The following SGCD variants were observed in gnomAD, a reference collection of about 807,000 sequenced individuals.
The protein encoded by SGCD is sarcoglycan delta.
In SGCD, 18 loss-of-function variants were observed where a neutral mutation model predicts 36.6. That is an observed-to-expected ratio of 0.49 (90% CI 0.34 to 0.73). The LOEUF is 0.73. SGCD is among the 30% of genes least tolerant of loss of function. The probability of loss-of-function intolerance (pLI) is 0.01; values close to 1 mark genes in which losing one functional copy is unlikely to be tolerated. For missense variants in SGCD, 387 were observed against 346.7 expected (o/e 1.12, Z -0.92); for synonymous variants, 133 against 130.6 (o/e 1.02, Z -0.12).
chr5:155,728,110 C>T, the SGCD span, among the ~76,000 whole-genome samples: 1 of 152,128 alleles, frequency 6.6e-6, no homozygotes, highest in Non-Finnish European at 1.5e-5. Flanking sequence ...ACGAGGAGCC[C>T]CGCGCCTTCG....
At chr5:156,487,220 C>G (rs1269080944) in intron 3 of SGCD, among the ~76,000 whole-genome samples, 1 of 152,212 alleles carries the variant, frequency 6.6e-6, no homozygotes, top group Non-Finnish European at 1.5e-5. Context: ...AAGCCACTGA[C>G]AGCATAACTT....
chr5:156,044,615 G>A (rs1183253621), intron 1 of SGCD, among the ~76,000 whole-genome samples: 3 of 152,130 alleles, frequency 2.0e-5, no homozygotes, highest in African/African-American at 7.2e-5. Flanking sequence ...AGAAAGGTGT[G>A]ACAGTGGAAA....
chr5:156,423,155 T>TA (rs1773402632), intron 3 of SGCD, among the ~76,000 whole-genome samples: 1 of 79,494 alleles, frequency 1.3e-5, no homozygotes, highest in Non-Finnish European at 2.2e-5. Context: ...TAATTAATTA[T>TA]TTAAATATTA....
At chr5:155,730,522 CA>C in the SGCD span, among the ~76,000 whole-genome samples, 1 of 148,266 alleles carries the variant, frequency 6.7e-6, no homozygotes, top group African/African-American at 2.5e-5. Flanking sequence ...AACCTACATA[CA>C]TAGTAGGCAC....
intron 6 of SGCD, among the ~76,000 whole-genome samples, chr5:156,613,867 T>C (rs1336662056): frequency 1.3e-5 from 2 of 152,228 alleles, no homozygotes; most frequent in African/African-American, 4.8e-5. Flanking sequence ...TTACTCTCTG[T>C]AAGGGGCTGA....
chr5:156,138,127 A>G (rs951335874), intron 3 of SGCD, among the ~76,000 whole-genome samples: 1 of 152,148 alleles, frequency 6.6e-6, no homozygotes, highest in African/African-American at 2.4e-5. Context: ...GGAGCCAGGC[A>G]TGGTGGCTCA....
chr5:156,013,668 T>C (rs1758906839), intron 1 of SGCD, among the ~76,000 whole-genome samples: 1 of 152,174 alleles, frequency 6.6e-6, no homozygotes, highest in Admixed American at 6.5e-5. Flanking sequence ...CTTCATGTCT[T>C]TTGCCTATTT....
Position 155,870,652 on chromosome 5 carries a change from AC to A in SGCD, c.-282+229del, listed in dbSNP as rs1423713406. On this transcript the variant is annotated intron_variant, in intron 1 of 9. Coordinates refer to the SGCD transcript ENST00000517913. ...TTCTCTGCCTCATTCTTAAAAATGA[AC>A]TATTTTTCCTGAATACCAACTCTTT... Among the ~76,000 whole-genome samples the A allele has an allele frequency of 2.0e-5, 3 of 152,184 alleles. No homozygotes were observed. The East Asian group carries it at 5.8e-4, about 29-fold the overall frequency.
intron 3 of SGCD, among the ~76,000 whole-genome samples, chr5:156,480,410 C>A (rs757522623): frequency 1.3e-5 from 2 of 152,208 alleles, no homozygotes; most frequent in Non-Finnish European, 2.9e-5. Context: ...CACATATCTA[C>A]AGTATGATAG....
At chr5:155,886,531 CGT>C (rs35659504) in intron 1 of SGCD, among the ~76,000 whole-genome samples, 7,315 of 151,372 alleles carry the variant, frequency 0.048, 473 homozygotes, top group African/African-American at 0.14. Flanking sequence ...TGCGTGGGCG[CGT>C]GTGTGTGTGT....
intron 3 of SGCD, among the ~76,000 whole-genome samples, chr5:156,417,657 T>C (rs1257343543): frequency 1.3e-5 from 2 of 152,100 alleles, no homozygotes; most frequent in African/African-American, 4.8e-5. Context: ...CTGGTGTCTT[T>C]TTTCTTACAG....
intron 1 of SGCD, among the ~76,000 whole-genome samples, chr5:156,054,536 C>T (rs1760012248): frequency 6.8e-6 from 1 of 146,422 alleles, no homozygotes; most frequent in Admixed American, 6.8e-5. Flanking sequence ...CCACCCGCCT[C>T]AGCCTCCCAA....
chr5:156,277,950 T>C (rs1766358609), intron 3 of SGCD, among the ~76,000 whole-genome samples: 1 of 152,006 alleles, frequency 6.6e-6, no homozygotes, highest in Non-Finnish European at 1.5e-5. Flanking sequence ...ACGCACACAA[T>C]TGTATAAGCA....
At chr5:156,479,691 T>C (rs1755340556) in intron 3 of SGCD, among the ~76,000 whole-genome samples, 1 of 152,224 alleles carries the variant, frequency 6.6e-6, no homozygotes, top group Non-Finnish European at 1.5e-5. Flanking sequence ...AGAAAGAAGA[T>C]ACAAATGCAC....
At chr5:156,174,908 A>G (rs1763429099) in intron 3 of SGCD, among the ~76,000 whole-genome samples, 2 of 152,384 alleles carry the variant, frequency 1.3e-5, no homozygotes, top group South Asian at 4.1e-4. Context: ...ATGATAAGTT[A>G]TAACTGAAAA....
intron 1 of SGCD, among the ~76,000 whole-genome samples, chr5:156,117,683 A>C (rs768592649): frequency 2.6e-4 from 39 of 152,296 alleles, no homozygotes; most frequent in Non-Finnish European, 5.1e-4. Flanking sequence ...CAGAAGAAGC[A>C]CTGAGAGGTT....
intron 3 of SGCD, among the ~76,000 whole-genome samples, chr5:156,168,819 A>T (rs774449290): frequency 4.6e-4 from 70 of 152,330 alleles, no homozygotes; most frequent in Non-Finnish European, 1.6e-4. Flanking sequence ...TGAGAGATAG[A>T]AGAGTAAGGC....
At chr5:156,031,387 C>T (rs1196410447) in intron 1 of SGCD, among the ~76,000 whole-genome samples, 1 of 152,092 alleles carries the variant, frequency 6.6e-6, no homozygotes, top group Non-Finnish European at 1.5e-5. Context: ...GAAACATGAA[C>T]TGGAGGAGGA....
At chr5:156,657,284 T>C (rs1290973840) in intron 7 of SGCD, among the ~76,000 whole-genome samples, 1 of 151,914 alleles carries the variant, frequency 6.6e-6, no homozygotes, top group African/African-American at 2.4e-5. Flanking sequence ...TTAGGGTACA[T>C]GTGCACAATG....
Sources: gnomAD v4.1 joint callset for allele counts (sites outside exome capture counted in the v4.1 genomes callset) on GRCh38, gnomAD v4.1.1 for gene constraint, MANE v1.5 for transcripts, NCBI Gene and HGNC (gene_info 2026-07-23, HGNC 2026-07-21) for gene names.